Variants in MIS18BP1 observed in about 807,000 individuals in gnomAD.
MIS18BP1 encodes mis18-binding protein 1.
In MIS18BP1, 72 loss-of-function variants were observed where a neutral mutation model predicts 116.1. The ratio of observed to expected loss-of-function variants is 0.62; its 90% CI spans 0.51 to 0.75. The LOEUF (loss-of-function observed/expected upper bound fraction) is 0.75, where lower values mean the gene tolerates loss of function less well. Among genes scored for constraint, MIS18BP1 ranks in the 30% least tolerant of loss-of-function variants. The pLI, the probability that MIS18BP1 is intolerant of heterozygous loss-of-function variation, is 0.00. For synonymous variants in MIS18BP1, 386 were observed against 427.0 expected (o/e 0.90, Z 1.18); for missense variants, 1,363 against 1,303.2 (o/e 1.05, Z -0.71).
chr14:45,219,685 G>A (rs1452183700), intron 11 of MIS18BP1, among the ~76,000 whole-genome samples: 2 of 152,080 alleles, frequency 1.3e-5, no homozygotes, highest in Non-Finnish European at 2.9e-5. Context: ...ATGCAGAAAA[G>A]CATAATACTT....
chr14:45,249,485 G>A (rs944888287), intron 1 of MIS18BP1, among the ~76,000 whole-genome samples: 1 of 152,196 alleles, frequency 6.6e-6, no homozygotes, highest in African/African-American at 2.4e-5. Flanking sequence ...CCTCCCACAA[G>A]TGTTGGGAAT....
chr14:45,226,535 G>A (rs1347770523), intron 10 of MIS18BP1, among the ~76,000 whole-genome samples: 1 of 152,046 alleles, frequency 6.6e-6, no homozygotes, highest in Non-Finnish European at 1.5e-5. Flanking sequence ...GATTAAAGAA[G>A]GCAAACCTGT....
In MIS18BP1 at chr14:45,231,348, C is replaced by G. The variant is rs199509471; in HGVS notation, c.1437-50G>C. The G allele has an allele frequency of 1.3e-3, 1,933 of 1,453,636 alleles. 23 individuals carry two copies. The South Asian group carries it at 0.015, about 11-fold the overall frequency. 90.0% of individuals were successfully genotyped at this position (1,453,636 alleles called of 1,614,324 possible). On this transcript the variant is annotated intron_variant, in intron 7 of 16. Coordinates refer to ENST00000310806, the MANE Select transcript of MIS18BP1 (RefSeq NM_018353.5). ...TCCTTAATACTGATTCTCAAAAAAACAAAACAAAAAAAATCTTCATAAATA... is the reference window on the plus strand; with the variant it reads ...TCCTTAATACTGATTCTCAAAAAAAGAAAACAAAAAAAATCTTCATAAATA...
chr14:45,212,381 T>C (rs1422792929), intron 13 of MIS18BP1, among the ~76,000 whole-genome samples: 1 of 152,176 alleles, frequency 6.6e-6, no homozygotes, highest in Non-Finnish European at 1.5e-5. Flanking sequence ...TAACCTTGAC[T>C]GGTGACTTGC....
Position 45,203,975 on chromosome 14 carries a change from C to T in MIS18BP1, c.*134G>A. Reference sequence around the variant, plus strand: ...GAGGATATTTTACTTTGAACACAAACATATGAAACCTTCAAAAAAGTCCAC... The same window carrying T: ...GAGGATATTTTACTTTGAACACAAATATATGAAACCTTCAAAAAAGTCCAC... On this transcript the variant is annotated 3_prime_UTR_variant, in exon 17 of 17. Coordinates refer to ENST00000310806, the MANE Select transcript of MIS18BP1 (RefSeq NM_018353.5). The T allele has an allele frequency of 7.6e-7, 1 of 1,317,812 alleles. No individual in the cohort carries two copies. The highest frequency in any genetic ancestry group is 1.0e-6 in the Non-Finnish European group (1 of 986,274). 81.6% of individuals were successfully genotyped at this position (1,317,812 alleles called of 1,614,324 possible).
chr14:45,218,594 G>A, intron 11 of MIS18BP1, 140 bp from the exon 12 acceptor site: 1 of 822,426 alleles, frequency 1.2e-6, no homozygotes, highest in Non-Finnish European at 1.8e-6. Context: ...TAACAATTAA[G>A]AAAGATATTA....
Position 45,210,446 on chromosome 14 carries a change from A to G in MIS18BP1, c.3086T>C (p.Ile1029Thr). ...DKNPTTPSSVIFPLVKTPQCQ... is the reference protein window; with the variant it reads ...DKNPTTPSSVTFPLVKTPQCQ... The stretch of plus-strand genomic sequence containing the variant: ...TTGAGGAGTTTTTACCAATGGAAAG[A>G]TAACTGATGATGGAGTTGTTGGATT... Residue 1029 changes from isoleucine to threonine, a missense_variant, in exon 14 of 17, where the codon ATC becomes ACC. Coordinates refer to ENST00000310806, the MANE Select transcript of MIS18BP1 (RefSeq NM_018353.5). 1 of 1,614,094 alleles carries G rather than the reference A, an allele frequency of 6.2e-7. No individual in the cohort carries two copies. The highest frequency in any genetic ancestry group is 8.5e-7 in the Non-Finnish European group (1 of 1,179,970).
rs61741592 is a variant in MIS18BP1, at chr14:45,231,206, C to T, written c.1529G>A (p.Arg510Gln). ...TTGAGCAGTATCTGTTTGGTTTTCTCGTGCATCATTTTTCATTGATTTCCT... is the reference window on the plus strand; with the variant it reads ...TTGAGCAGTATCTGTTTGGTTTTCTTGTGCATCATTTTTCATTGATTTCCT... ...DIRKSMKNDA[R>Q]ENQTDTAQRA... is the part of the protein sequence containing the mutation. The change falls in exon 8 of 17, where the codon CGA becomes CAA. Residue 510 changes from arginine (R) to glutamine (Q), a missense_variant. Coordinates refer to ENST00000310806, the MANE Select transcript of MIS18BP1 (RefSeq NM_018353.5). The T allele has an allele frequency of 0.098, 157,574 of 1,613,378 alleles. 8,991 individuals are homozygous for T. Among genetic ancestry groups the T allele is most frequent in the Non-Finnish European group, 0.11 (133,786 of 1,179,522 alleles).
At position 45,237,173 on chromosome 14, in the gene MIS18BP1, T is replaced by G. The variant is rs181516688; in HGVS notation, c.1217+475A>C. ...CAGAATTAGGTAAAGCCCACTTACC[T>G]GGTGATGCTCTCACTTTAGGGAGAA... On this transcript the variant is annotated intron_variant, in intron 5 of 16. Coordinates refer to ENST00000310806, the MANE Select transcript of MIS18BP1 (RefSeq NM_018353.5). 7.2e-4 allele frequency among the ~76,000 whole-genome samples: 109 copies of G among 152,290 alleles called. 2 individuals are homozygous for G. The highest frequency in any genetic ancestry group is 2.5e-3 in the African/African-American group (104 of 41,568).
At chr14:45,238,908 C>A (rs542679050) in intron 4 of MIS18BP1, among the ~76,000 whole-genome samples, 1 of 152,074 alleles carries the variant, frequency 6.6e-6, no homozygotes, top group African/African-American at 2.4e-5. Flanking sequence ...TTACCCTCAC[C>A]CAAGACACAA....
At chr14:45,212,344 C>T (rs1018032541) in intron 13 of MIS18BP1, among the ~76,000 whole-genome samples, 8 of 152,110 alleles carry the variant, frequency 5.3e-5, no homozygotes, top group Non-Finnish European at 8.8e-5. Flanking sequence ...CCATAAACAC[C>T]GTTAGCTTCC....
chr14:45,232,274 A>G (rs759178321), intron 7 of MIS18BP1, among the ~76,000 whole-genome samples: 3 of 151,830 alleles, frequency 2.0e-5, no homozygotes, highest in South Asian at 2.1e-4. Context: ...AAAATTAGCC[A>G]GGTGTGGTGG....
intron 6 of MIS18BP1, among the ~76,000 whole-genome samples, chr14:45,234,873 TATAAC>T (rs1891380651): frequency 6.6e-6 from 1 of 152,212 alleles, no homozygotes; most frequent in African/African-American, 2.4e-5. Context: ...ATGATATTCT[TATAAC>T]ATAATTCCTT....
chr14:45,225,656 A>G (rs1191141415), intron 10 of MIS18BP1, among the ~76,000 whole-genome samples: 2 of 152,198 alleles, frequency 1.3e-5, no homozygotes, highest in Non-Finnish European at 2.9e-5. Context: ...AAAACAAGCA[A>G]AAGAGAACAA....
intron 13 of MIS18BP1, among the ~76,000 whole-genome samples, chr14:45,211,275 A>G (rs1194108657): frequency 6.6e-6 from 1 of 152,154 alleles, no homozygotes; most frequent in Admixed American, 6.5e-5. Flanking sequence ...CATAAACTGG[A>G]TACCTCCAGA....
intron 12 of MIS18BP1, among the ~76,000 whole-genome samples, chr14:45,217,404 A>T (rs1890852167): frequency 1.3e-5 from 2 of 152,198 alleles, no homozygotes; most frequent in African/African-American, 4.8e-5. Context: ...CCTGGGCAAT[A>T]TAGTGAGACC....
chr14:45,242,087 G>A lies in MIS18BP1; in HGVS notation c.1090C>T (p.Leu364Phe). 6.2e-7 allele frequency: 1 copy of A among 1,613,530 alleles called. No homozygotes were observed. The highest frequency in any genetic ancestry group is 1.1e-5 in the South Asian group (1 of 90,960). Residue 364 changes from leucine to phenylalanine, a missense_variant, in exon 4 of 17, where the codon CTT becomes TTT. Leu to Phe is a conservative substitution (Grantham distance 22). Coordinates refer to ENST00000310806, the MANE Select transcript of MIS18BP1 (RefSeq NM_018353.5). Reference sequence around the variant, plus strand: ...GTTTGAAATATTCTTGGAGGAGAAAGCTTTGAAATATTTCTTTTTGACCTC... The same window carrying A: ...GTTTGAAATATTCTTGGAGGAGAAAACTTTGAAATATTTCTTTTTGACCTC... Reference protein sequence around the residue: ...PRRSKRNISKLSPPRIFQTVT... With the variant: ...PRRSKRNISKFSPPRIFQTVT...
chr14:45,231,869 T>C (rs1430317304), intron 7 of MIS18BP1, among the ~76,000 whole-genome samples: 2 of 152,112 alleles, frequency 1.3e-5, no homozygotes, highest in African/African-American at 4.8e-5. Flanking sequence ...CTTCTGTCTT[T>C]CACCAGCATC....
intron 8 of MIS18BP1, among the ~76,000 whole-genome samples, chr14:45,228,795 G>C (rs757844976): frequency 5.3e-5 from 8 of 152,130 alleles, no homozygotes; most frequent in Non-Finnish European, 8.8e-5. Flanking sequence ...TAATAACAGA[G>C]ATAAAGTGCT....
Sources: gnomAD v4.1 joint callset for allele counts (sites outside exome capture counted in the v4.1 genomes callset) on GRCh38, gnomAD v4.1.1 for gene constraint, MANE v1.5 for transcripts, NCBI Gene and HGNC (gene_info 2026-07-23, HGNC 2026-07-21) for gene names.